The following BICD1 variants were observed in gnomAD, a reference collection of about 807,000 sequenced individuals.
BICD1 encodes BICD cargo adaptor 1.
A neutral mutation model predicts 92.5 loss-of-function variants in BICD1; 35 were observed. The observed-to-expected ratio is 0.38, with a 90% CI of 0.29 to 0.50. The LOEUF is 0.50. Ranked by LOEUF, BICD1 falls within the 20% of genes least tolerant of loss-of-function variation. The pLI, the probability that BICD1 is intolerant of heterozygous loss-of-function variation, is 0.93. For missense variants in BICD1, 950 were observed against 1,189.8 expected (o/e 0.80, Z 2.97); for synonymous variants, 429 against 465.1 (o/e 0.92, Z 1.00).
Position 32,107,269 on chromosome 12 carries a change from C to A in BICD1, c.-63C>A, listed in dbSNP as rs138040040. On this transcript the variant is annotated 5_prime_UTR_variant, in exon 1 of 10. Coordinates refer to ENST00000652176, the MANE Select transcript of BICD1 (RefSeq NM_001714.4). ...CCTTCCCATTTCCTTCTCCCTTTCC[C>A]CGCCAGCTTCGCATCCATCTCCCCC... The A allele has an allele frequency of 1.1e-4, 150 of 1,424,238 alleles. No individual in the cohort carries two copies. The African/African-American group carries it at 1.9e-3, about 18-fold the overall frequency. The allele number at this position is 1,424,238 out of a possible 1,614,324, so 88.2% of individuals were successfully genotyped here.
At chr12:32,288,975 TG>T (rs1304306181) in intron 2 of BICD1, among the ~76,000 whole-genome samples, 1 of 152,210 alleles carries the variant, frequency 6.6e-6, no homozygotes, top group Non-Finnish European at 1.5e-5. Flanking sequence ...TTCAGCACAT[TG>T]TCAAAGAGGG....
intron 2 of BICD1, among the ~76,000 whole-genome samples, chr12:32,240,407 T>C (rs1266701325): frequency 6.6e-6 from 1 of 152,202 alleles, no homozygotes; most frequent in Non-Finnish European, 1.5e-5. Flanking sequence ...CATCTTTTTC[T>C]GGCTTCCAGA....
chr12:32,179,706 A>C (rs1325640687), intron 1 of BICD1, among the ~76,000 whole-genome samples: 1 of 151,926 alleles, frequency 6.6e-6, no homozygotes, highest in Non-Finnish European at 1.5e-5. Context: ...CCTTTGTCAC[A>C]GGGACCGGGT....
At chr12:32,120,344 G>A (rs909568633) in intron 1 of BICD1, among the ~76,000 whole-genome samples, 4 of 152,126 alleles carry the variant, frequency 2.6e-5, no homozygotes, top group African/African-American at 9.7e-5. Context: ...TTGAAAATGA[G>A]AACCTGTTTA....
In BICD1 at chr12:32,342,394, A is replaced by G. The variant is rs537876544; in HGVS notation, c.2764+3415A>G. On this transcript the variant is annotated intron_variant, in intron 8 of 9. Coordinates refer to ENST00000652176, the MANE Select transcript of BICD1 (RefSeq NM_001714.4). ...CTCAGCCTCCCGAGTAGCTGGGACT[A>G]CAGGCGCCCGTCACCACACCTGGCT... Among the ~76,000 whole-genome samples, 216 of 151,238 alleles carry G rather than the reference A, an allele frequency of 1.4e-3. 1 individual carries two copies. The highest frequency in any genetic ancestry group is 2.3e-3 in the Non-Finnish European group (155 of 67,850).
intron 1 of BICD1, among the ~76,000 whole-genome samples, chr12:32,187,604 G>A (rs568833395): frequency 1.8e-4 from 27 of 152,146 alleles, no homozygotes; most frequent in African/African-American, 6.0e-4. Flanking sequence ...CCTGGGAGGC[G>A]GAGGTTGCAG....
In BICD1 at chr12:32,306,446, G is replaced by T. The variant is rs886383929; in HGVS notation, c.1005+324G>T. Among the ~76,000 whole-genome samples the T allele has an allele frequency of 5.9e-5, 9 of 151,766 alleles. No homozygotes were observed. The South Asian group carries it at 6.3e-4, about 11-fold the overall frequency. On this transcript the variant is annotated intron_variant, in intron 4 of 9. Coordinates refer to ENST00000652176, the MANE Select transcript of BICD1 (RefSeq NM_001714.4). ...TTTTTAGTAGAGACGGGGTTTCACC[G>T]TATTAGCCAGGATGGTCTCGATCTC...
At chr12:32,167,753 G>A (rs1203344496) in intron 1 of BICD1, among the ~76,000 whole-genome samples, 3 of 152,126 alleles carry the variant, frequency 2.0e-5, no homozygotes, top group Non-Finnish European at 1.5e-5. Flanking sequence ...ACCGCGCCTG[G>A]CCTATCATTC....
At chr12:32,166,746 C>T (rs1279583170) in intron 1 of BICD1, among the ~76,000 whole-genome samples, 1 of 152,192 alleles carries the variant, frequency 6.6e-6, no homozygotes, top group African/African-American at 2.4e-5. Flanking sequence ...ATCATAGCAT[C>T]AGTAATCCCT....
At chr12:32,327,391 CTG>C (rs1216469997) in intron 4 of BICD1, 68 bp from the exon 5 acceptor site, 2 of 1,514,102 alleles carry the variant, frequency 1.3e-6, no homozygotes, top group Non-Finnish European at 1.8e-6. Context: ...ACATGCCCGA[CTG>C]TGAATGGATT....
rs923213660 is a variant in BICD1 at position 32,379,434 on chromosome 12, A to G, written c.*1807A>G. Reference sequence around the variant, plus strand: ...GTAAAGAGTTGAAATCTTCACCAAAATAAGGGTTCAGGTTAAAGTACAGAA... The same window carrying G: ...GTAAAGAGTTGAAATCTTCACCAAAGTAAGGGTTCAGGTTAAAGTACAGAA... On this transcript the variant is annotated 3_prime_UTR_variant, in exon 10 of 10. Coordinates refer to ENST00000652176, the MANE Select transcript of BICD1 (RefSeq NM_001714.4). 6.6e-6 allele frequency: 1 copy of G among 152,210 alleles called. No homozygotes were observed. Among genetic ancestry groups the G allele is most frequent in the African/African-American group, 2.4e-5 (1 of 41,468 alleles). The allele number at this position is 152,210 out of a possible 1,614,324, so 9.4% of individuals were successfully genotyped here. A position where few individuals can be genotyped will look rare whatever the true frequency, so the allele number is the denominator to read the frequency against.
At chr12:32,342,197 T>C (rs1271866086) in intron 8 of BICD1, among the ~76,000 whole-genome samples, 1 of 105,292 alleles carries the variant, frequency 9.5e-6, no homozygotes, top group Admixed American at 1.0e-4. Flanking sequence ...TATATATGTG[T>C]GTGTGTGTAT....
At chr12:32,297,120 A>G (rs1237754524) in intron 3 of BICD1, among the ~76,000 whole-genome samples, 2 of 152,196 alleles carry the variant, frequency 1.3e-5, no homozygotes, top group African/African-American at 4.8e-5. Flanking sequence ...AGCTAAGAAA[A>G]TGCTGTGTTT....
intron 1 of BICD1, among the ~76,000 whole-genome samples, chr12:32,133,488 G>A (rs1175676154): frequency 6.7e-6 from 1 of 150,120 alleles, no homozygotes; most frequent in African/African-American, 2.4e-5. Flanking sequence ...ACTCCATCTG[G>A]GAAAAAAAAA....
intron 1 of BICD1, among the ~76,000 whole-genome samples, chr12:32,188,470 T>C (rs1487860272): frequency 6.6e-6 from 1 of 152,238 alleles, no homozygotes; most frequent in Non-Finnish European, 1.5e-5. Context: ...ATTTATCGTA[T>C]ACATTGTAAG....
chr12:32,353,099 A>T (rs1209279316), intron 8 of BICD1: 1 of 152,212 alleles, frequency 6.6e-6, no homozygotes, highest in Non-Finnish European at 1.5e-5. Flanking sequence ...AAGCAAAAAG[A>T]GGTAAGTTGG....
At chr12:32,115,355 T>A (rs573838993) in intron 1 of BICD1, among the ~76,000 whole-genome samples, 2 of 151,194 alleles carry the variant, frequency 1.3e-5, no homozygotes, top group African/African-American at 4.8e-5. Flanking sequence ...TTTAAACATA[T>A]AGGCAGGGTT....
chr12:32,193,647 G>A (rs1334826049), intron 1 of BICD1, among the ~76,000 whole-genome samples: 1 of 151,910 alleles, frequency 6.6e-6, no homozygotes, highest in East Asian at 1.9e-4. Context: ...AACCTACAAA[G>A]ATTGAATCAT....
At chr12:32,294,591 AGCCTTGGT>A (rs1463301076) in intron 3 of BICD1, among the ~76,000 whole-genome samples, 6 of 142,306 alleles carry the variant, frequency 4.2e-5, no homozygotes, top group Non-Finnish European at 7.5e-5. Context: ...ACTGCACTCC[AGCCTTGGT>A]GACAGAGTGA....
Sources: gnomAD v4.1 joint callset for allele counts (sites outside exome capture counted in the v4.1 genomes callset) on GRCh38, gnomAD v4.1.1 for gene constraint, MANE v1.5 for transcripts, NCBI Gene and HGNC (gene_info 2026-07-23, HGNC 2026-07-21) for gene names.